The following ADCY8 variants were observed in gnomAD, a reference collection of about 807,000 sequenced individuals.
ADCY8 encodes the protein adenylate cyclase 8.
In ADCY8, 51 loss-of-function variants were observed where a neutral mutation model predicts 119.7. The observed-to-expected ratio is 0.43, with a 90% CI of 0.34 to 0.54. ADCY8 has a LOEUF of 0.54. Among genes scored for constraint, ADCY8 ranks in the 20% least tolerant of loss-of-function variants. The probability of loss-of-function intolerance (pLI) is 0.03; values close to 1 mark genes in which losing one functional copy is unlikely to be tolerated. For missense variants in ADCY8, 1,383 were observed against 1,598.8 expected, an observed-to-expected ratio of 0.87 and a Z score of 2.30; for synonymous variants, 665 against 651.0, an observed-to-expected ratio of 1.02 and a Z score of -0.33.
intron 15 of ADCY8, among the ~76,000 whole-genome samples, chr8:130,794,046 C>T (rs1434438129): frequency 1.3e-5 from 2 of 152,086 alleles, no homozygotes; most frequent in Non-Finnish European, 2.9e-5. Flanking sequence ...CAGAGACACA[C>T]ACAGGGACAA....
Position 131,022,662 on chromosome 8 carries a change from G to T in ADCY8, c.960+16712C>A, listed in dbSNP as rs74649105. Among the ~76,000 whole-genome samples, 963 of 152,244 alleles carry T rather than the reference G, an allele frequency of 6.3e-3. 7 individuals are homozygous for T. The highest frequency in any genetic ancestry group is 0.022 in the African/African-American group (917 of 41,554). On this transcript the variant is annotated intron_variant, in intron 1 of 17. Transcript: ENST00000286355. ...GGCAGCAAGTGCCGGCCAGGTAAAA[G>T]AATGAACCATTTCTCAAGTTTCTTA...
At chr8:130,987,602 A>G (rs1822441693) in intron 2 of ADCY8, among the ~76,000 whole-genome samples, 1 of 152,192 alleles carries the variant, frequency 6.6e-6, no homozygotes, top group Non-Finnish European at 1.5e-5. Context: ...AAATATTACT[A>G]TCAATCTTAT....
intron 3 of ADCY8, among the ~76,000 whole-genome samples, chr8:130,944,005 C>G (rs1821035491): frequency 6.6e-6 from 1 of 152,128 alleles, no homozygotes; most frequent in South Asian, 2.1e-4. Context: ...TAATTAATTT[C>G]CCAATACTCT....
At chr8:130,860,153 C>A (rs1386882030) in intron 9 of ADCY8, among the ~76,000 whole-genome samples, 1 of 152,112 alleles carries the variant, frequency 6.6e-6, no homozygotes, top group African/African-American at 2.4e-5. Flanking sequence ...TCCCTTATGG[C>A]CAATGATGTT....
chr8:131,036,720 T>C (rs1824166819), intron 1 of ADCY8, among the ~76,000 whole-genome samples: 1 of 152,166 alleles, frequency 6.6e-6, no homozygotes, highest in Admixed American at 6.5e-5. Flanking sequence ...GCCAGTCTTA[T>C]AAAGACTTGG....
At chr8:131,006,624 A>G (rs1398215083) in intron 1 of ADCY8, among the ~76,000 whole-genome samples, 2 of 152,152 alleles carry the variant, frequency 1.3e-5, no homozygotes, top group Admixed American at 6.5e-5. Context: ...GGAAGCTTAC[A>G]TTTTCACAGT....
intron 14 of ADCY8, among the ~76,000 whole-genome samples, chr8:130,811,046 T>C (rs930331997): frequency 3.9e-5 from 6 of 152,216 alleles, no homozygotes; most frequent in African/African-American, 1.4e-4. Flanking sequence ...TTCTCTCTGC[T>C]TCCATGGCTT....
intron 14 of ADCY8, among the ~76,000 whole-genome samples, chr8:130,809,280 G>T (rs1174919488): frequency 1.3e-5 from 2 of 152,150 alleles, no homozygotes; most frequent in Non-Finnish European, 2.9e-5. Flanking sequence ...CACTAGCTTT[G>T]TGACCATGGG....
intron 14 of ADCY8, among the ~76,000 whole-genome samples, chr8:130,802,183 C>T (rs1213315607): frequency 6.6e-6 from 1 of 151,670 alleles, no homozygotes; most frequent in East Asian, 1.9e-4. Context: ...TACTGCATTG[C>T]TCTCTAATTC....
At chr8:130,861,437 G>A (rs1817925422) in intron 9 of ADCY8, among the ~76,000 whole-genome samples, 1 of 151,338 alleles carries the variant, frequency 6.6e-6, no homozygotes, top group South Asian at 2.1e-4. Flanking sequence ...TTTCATTTTT[G>A]GTGCTATTGT....
chr8:131,007,100 T>C (rs1030595389), intron 1 of ADCY8, among the ~76,000 whole-genome samples: 1 of 152,022 alleles, frequency 6.6e-6, no homozygotes, highest in Non-Finnish European at 1.5e-5. Context: ...AAAAAGAAAA[T>C]CTTATGCAGA....
chr8:130,940,235 T>A (rs928577081), intron 4 of ADCY8, among the ~76,000 whole-genome samples: 3 of 152,206 alleles, frequency 2.0e-5, no homozygotes, highest in Non-Finnish European at 4.4e-5. Context: ...CATGTTTGTC[T>A]GATTGTGGGG....
chr8:131,013,846 T>C (rs1004796821), intron 1 of ADCY8, among the ~76,000 whole-genome samples: 1 of 152,176 alleles, frequency 6.6e-6, no homozygotes, highest in Non-Finnish European at 1.5e-5. Flanking sequence ...GTTGGAACAT[T>C]TTCCCAAGTC....
intron 5 of ADCY8, among the ~76,000 whole-genome samples, chr8:130,924,190 G>A (rs1820394961): frequency 6.6e-6 from 1 of 152,178 alleles, no homozygotes; most frequent in African/African-American, 2.4e-5. Context: ...TCTAGGTGGA[G>A]GTAATTATAC....
chr8:130,848,859 G>T (rs1479264305), intron 10 of ADCY8, among the ~76,000 whole-genome samples: 1 of 152,184 alleles, frequency 6.6e-6, no homozygotes, highest in Non-Finnish European at 1.5e-5. Flanking sequence ...ATGTGGGTCA[G>T]CAAATTAAAC....
At chr8:130,896,483 T>A (rs1819393097) in intron 7 of ADCY8, among the ~76,000 whole-genome samples, 1 of 152,058 alleles carries the variant, frequency 6.6e-6, no homozygotes. Flanking sequence ...GAATCCACCC[T>A]TTAGGGGCAG....
At chr8:130,826,939 T>G (rs1438485083) in intron 12 of ADCY8, among the ~76,000 whole-genome samples, 1 of 151,862 alleles carries the variant, frequency 6.6e-6, no homozygotes, top group Non-Finnish European at 1.5e-5. Context: ...GGGGGAGGGA[T>G]AGCATTAGGA....
chr8:130,995,419 G>A (rs2130751438), intron 1 of ADCY8, among the ~76,000 whole-genome samples: 1 of 152,058 alleles, frequency 6.6e-6, no homozygotes, highest in Non-Finnish European at 1.5e-5. Context: ...CTACCTTTTT[G>A]GTTTTTGTAT....
At chr8:130,840,291 T>G (rs907155248) in intron 11 of ADCY8, among the ~76,000 whole-genome samples, 4 of 137,448 alleles carry the variant, frequency 2.9e-5, no homozygotes, top group Admixed American at 7.5e-5. Context: ...TCAGCTGAAC[T>G]TACAGGTGTG....
Sources: allele counts gnomAD v4.1 joint callset (sites outside exome capture counted in the v4.1 genomes callset), GRCh38; gene constraint gnomAD v4.1.1; transcripts MANE v1.5; gene names NCBI Gene and HGNC (gene_info 2026-07-23, HGNC 2026-07-21).